The following DNMBP variants were observed in gnomAD, a reference collection of about 807,000 sequenced individuals.
The protein encoded by DNMBP is dynamin binding protein.
In DNMBP, 87 loss-of-function variants were observed where a neutral mutation model predicts 150.0. The ratio of observed to expected loss-of-function variants is 0.58; its 90% CI spans 0.49 to 0.69. DNMBP has a LOEUF of 0.69. DNMBP is among the 30% of genes least tolerant of loss of function. The probability of loss-of-function intolerance (pLI) is 0.00; values close to 1 mark genes in which losing one functional copy is unlikely to be tolerated. For synonymous variants in DNMBP, 711 were observed against 750.4 expected (o/e 0.95, Z 0.86); for missense variants, 1,774 against 1,949.0 (o/e 0.91, Z 1.69).
At chr10:99,972,638 T>A (rs1417708325) in intron 1 of DNMBP, among the ~76,000 whole-genome samples, 4 of 149,376 alleles carry the variant, frequency 2.7e-5, no homozygotes, top group Admixed American at 2.7e-4. Context: ...GGGAAACAGG[T>A]CTCGCTTTAT....
In DNMBP at chr10:99,939,637, T is replaced by G. The variant is rs145734384; in HGVS notation, c.2260+15577A>C. 1.1e-3 allele frequency among the ~76,000 whole-genome samples: 160 copies of G among 152,320 alleles called. 3 individuals carry two copies. The highest frequency in any genetic ancestry group is 3.8e-3 in the Admixed American group (58 of 15,306). On this transcript the variant is annotated intron_variant, in intron 4 of 16. Coordinates refer to ENST00000324109, the MANE Select transcript of DNMBP (RefSeq NM_015221.4). Reference sequence around the variant, plus strand: ...ACTTTCTAAAACTAAACCACTTTTGTAAAACTAATGAAAGGTCACCAAGTC... The same window carrying G: ...ACTTTCTAAAACTAAACCACTTTTGGAAAACTAATGAAAGGTCACCAAGTC...
At chr10:100,004,988 A>T (rs1337526609) in intron 1 of DNMBP, among the ~76,000 whole-genome samples, 1 of 152,248 alleles carries the variant, frequency 6.6e-6, no homozygotes, top group Non-Finnish European at 1.5e-5. Context: ...TTTACAGAGG[A>T]AGCTATCTGT....
chr10:99,881,979 T>C (rs1564713575), intron 15 of DNMBP, among the ~76,000 whole-genome samples: 1 of 152,186 alleles, frequency 6.6e-6, no homozygotes, highest in Non-Finnish European at 1.5e-5. Flanking sequence ...CAAGTACCCA[T>C]ACTACATATT....
chr10:100,003,078 G>A (rs966804661), intron 1 of DNMBP, among the ~76,000 whole-genome samples: 5 of 152,184 alleles, frequency 3.3e-5, no homozygotes, highest in Admixed American at 6.5e-5. Flanking sequence ...GGCTGGGCAC[G>A]GTGGCTCAGG....
Position 99,955,489 on chromosome 10 carries a change from AG to A in DNMBP, c.1984del (p.Leu662SerfsTer12), listed in dbSNP as rs2040476356. ...ACAGGTAGGACGGTGTCGAGATAGG[AG>A]CTTGGGGGATACCGCATTCGTTCTC... ...QQRTNAVSPK[L>X]LSRHRPTCET... On this transcript the variant is annotated frameshift_variant, in exon 4 of 17. Coordinates refer to ENST00000324109, the MANE Select transcript of DNMBP (RefSeq NM_015221.4). LOFTEE classifies it high-confidence loss of function. The A allele has an allele frequency of 6.2e-7, 1 of 1,600,542 alleles. No homozygotes were observed. The highest frequency in any genetic ancestry group is 1.1e-5 in the South Asian group (1 of 89,302).
rs1316923178 is a variant in DNMBP at position 99,888,766 on chromosome 10, C to G, written c.3285+59G>C. On this transcript the variant is annotated intron_variant, in intron 12 of 16. Transcript: ENST00000324109. ...TGTCCGTGGAACTGACTTGCATGAG[C>G]TGATGTATTTGAGATGACCCTGGGA... The G allele has an allele frequency of 1.2e-5, 20 of 1,603,960 alleles. 1 individual carries two copies. The highest frequency in any genetic ancestry group is 2.2e-5 in the South Asian group (2 of 89,446).
At chr10:99,968,893 T>TAGGAAA (rs2040647105) in intron 3 of DNMBP, among the ~76,000 whole-genome samples, 2 of 152,144 alleles carry the variant, frequency 1.3e-5, no homozygotes, top group Non-Finnish European at 2.9e-5. Context: ...ACCTCCCAGG[T>TAGGAAA]CTGTGCTGAG....
chr10:99,896,236 T>C, intron 10 of DNMBP, 31 bp downstream of exon 10: 1 of 1,608,780 alleles, frequency 6.2e-7, no homozygotes, highest in Non-Finnish European at 8.5e-7. Flanking sequence ...CTGTCAAAGA[T>C]GCGCTAAGCC....
intron 4 of DNMBP, among the ~76,000 whole-genome samples, chr10:99,912,097 T>A (rs1589414014): frequency 1.3e-5 from 2 of 152,176 alleles, no homozygotes; most frequent in East Asian, 3.8e-4. Context: ...TCCCATTTAA[T>A]AGGTAAGAAA....
At chr10:99,991,222 G>A (rs2040887867) in intron 1 of DNMBP, among the ~76,000 whole-genome samples, 1 of 151,946 alleles carries the variant, frequency 6.6e-6, no homozygotes, top group Non-Finnish European at 1.5e-5. Context: ...GGGACTACAG[G>A]CACGTGCCAC....
At chr10:99,999,372 T>C (rs2040986935) in intron 1 of DNMBP, among the ~76,000 whole-genome samples, 1 of 152,230 alleles carries the variant, frequency 6.6e-6, no homozygotes, top group Non-Finnish European at 1.5e-5. Context: ...AAAATGAAGA[T>C]TCTAACAGCA....
chr10:99,930,746 CT>C, intron 4 of DNMBP: 2 of 674,238 alleles, frequency 3.0e-6, no homozygotes, highest in Non-Finnish European at 2.7e-6. Context: ...CTTTTCTAGC[CT>C]TCTGGGTTTC....
At chr10:99,904,000 G>A (rs137915970) in intron 6 of DNMBP, among the ~76,000 whole-genome samples, 1 of 150,690 alleles carries the variant, frequency 6.6e-6, no homozygotes, top group Non-Finnish European at 1.5e-5. Context: ...CACATGATCT[G>A]CCCACCTTGC....
At chr10:99,992,344 C>CTTTTTTTTTTTTTTTTTTTT (rs1554874599) in intron 1 of DNMBP, among the ~76,000 whole-genome samples, 10 of 151,094 alleles carry the variant, frequency 6.6e-5, no homozygotes, top group African/African-American at 9.8e-5. Context: ...AATTACTTAA[C>CTTTTTTTTTTTTTTTTTTTT]TTTTTATTAA....
At chr10:99,998,997 A>G (rs537128544) in intron 1 of DNMBP, among the ~76,000 whole-genome samples, 1 of 152,248 alleles carries the variant, frequency 6.6e-6, no homozygotes, top group Non-Finnish European at 1.5e-5. Context: ...GGATGATTTC[A>G]GAGCTTTCTC....
intron 1 of DNMBP, among the ~76,000 whole-genome samples, chr10:99,978,486 T>C (rs189493495): frequency 2.6e-5 from 4 of 152,356 alleles, no homozygotes; most frequent in Admixed American, 2.6e-4. Context: ...ATATATTTTT[T>C]ATTTTGATGC....
At chr10:99,908,431 C>T (rs1382949082) in intron 5 of DNMBP, among the ~76,000 whole-genome samples, 1 of 152,224 alleles carries the variant, frequency 6.6e-6, no homozygotes, top group Non-Finnish European at 1.5e-5. Flanking sequence ...AGTGAATGCT[C>T]CAAGGGTGTA....
chr10:99,923,495 A>C (rs973261793), intron 4 of DNMBP, among the ~76,000 whole-genome samples: 2 of 151,984 alleles, frequency 1.3e-5, no homozygotes, highest in African/African-American at 2.4e-5. Context: ...GGCATCTCTG[A>C]GGCTCAGTTC....
intron 4 of DNMBP, among the ~76,000 whole-genome samples, chr10:99,923,156 C>T (rs151156000): frequency 6.6e-6 from 1 of 151,714 alleles, no homozygotes; most frequent in Non-Finnish European, 1.5e-5. Context: ...TTTGGGAGGC[C>T]GAGGTGGGCG....
Sources: allele counts gnomAD v4.1 joint callset (sites outside exome capture counted in the v4.1 genomes callset), GRCh38; gene constraint gnomAD v4.1.1; transcripts MANE v1.5; gene names NCBI Gene and HGNC (gene_info 2026-07-23, HGNC 2026-07-21).